Variants in MYO3A observed in about 807,000 individuals in gnomAD.
MYO3A encodes the protein myosin-IIIa.
Under a neutral mutation model 192.7 loss-of-function variants are expected in MYO3A, and 180 were observed. That is an observed-to-expected ratio of 0.93 (90% confidence interval 0.83 to 1.06). The LOEUF is 1.06. MYO3A is among the 50% of genes least tolerant of loss of function. The pLI, the probability that MYO3A is intolerant of heterozygous loss-of-function variation, is 0.00. For synonymous variants in MYO3A, 628 were observed against 645.3 expected (o/e 0.97, Z 0.41); for missense variants, 1,896 against 1,905.0 (o/e 1.00, Z 0.09).
Position 26,125,491 on chromosome 10 carries a change from A to T in MYO3A, c.1997A>T (p.Asn666Ile), listed in dbSNP as rs200162942. ...AGAGGAGAAACAATTATACGACCCAATACTGTAGAAAAAGCTACCGATGTC... is the reference window on the plus strand; with the variant it reads ...AGAGGAGAAACAATTATACGACCCATTACTGTAGAAAAAGCTACCGATGTC... ...VTRGETIIRP[N>I]TVEKATDVRD... Residue 666 changes from asparagine (N) to isoleucine (I), a missense_variant, in exon 19 of 35, where the codon AAT (asparagine) becomes ATT (isoleucine). Physicochemically the swap from Asn to Ile is moderately radical, Grantham distance 149. Coordinates refer to ENST00000642920, the MANE Select transcript of MYO3A (RefSeq NM_017433.5). The T allele has an allele frequency of 1.3e-5, 21 of 1,614,078 alleles. No individual in the cohort carries two copies. In the East Asian group the frequency reaches 4.2e-4, roughly 33 times the overall value.
intron 6 of MYO3A, among the ~76,000 whole-genome samples, chr10:26,011,516 A>G (rs12268729): frequency 0.093 from 14,157 of 152,178 alleles, 1,157 homozygotes; most frequent in African/African-American, 0.21. Flanking sequence ...ACTAGAAAAC[A>G]TAGAGGAAAT....
intron 19 of MYO3A, 74 bp from the exon 20 acceptor site, chr10:26,128,317 T>C (rs1289050385): frequency 2.0e-6 from 3 of 1,488,126 alleles, no homozygotes; most frequent in African/African-American, 2.8e-5. Flanking sequence ...TCACAAATGG[T>C]AACTCTAAGA....
chr10:26,180,041 G>T (rs1344924699), intron 31 of MYO3A, among the ~76,000 whole-genome samples: 6 of 151,956 alleles, frequency 3.9e-5, no homozygotes, highest in Non-Finnish European at 7.4e-5. Flanking sequence ...CACCATGTTG[G>T]CCAGGCTGGT....
intron 31 of MYO3A, among the ~76,000 whole-genome samples, chr10:26,177,137 G>C (rs1325056549): frequency 6.6e-6 from 1 of 151,702 alleles, no homozygotes; most frequent in Admixed American, 6.6e-5. Context: ...AGAGAGGGGG[G>C]CTGGCAGGAG....
intron 29 of MYO3A, among the ~76,000 whole-genome samples, chr10:26,172,981 T>C (rs1842122734): frequency 6.6e-6 from 1 of 151,990 alleles, no homozygotes; most frequent in Non-Finnish European, 1.5e-5. Flanking sequence ...CAAGGTGTCA[T>C]GGTATGACAT....
intron 17 of MYO3A, among the ~76,000 whole-genome samples, chr10:26,111,681 A>G (rs911375000): frequency 6.6e-6 from 1 of 152,222 alleles, no homozygotes; most frequent in Non-Finnish European, 1.5e-5. Context: ...TCAGTCAATA[A>G]AGAAAAAAGC....
intron 15 of MYO3A, among the ~76,000 whole-genome samples, chr10:26,096,042 C>A (rs1270849846): frequency 1.3e-5 from 2 of 152,120 alleles, no homozygotes; most frequent in African/African-American, 2.4e-5. Flanking sequence ...ATACATTATT[C>A]TTTTTCTGTC....
chr10:26,163,129 T>C (rs760903666), intron 26 of MYO3A, among the ~76,000 whole-genome samples: 43 of 152,170 alleles, frequency 2.8e-4, no homozygotes, highest in Non-Finnish European at 4.4e-4. Flanking sequence ...CAGATAGGGA[T>C]ATAGGAGGGC....
chr10:26,098,007 G>A (rs1837162630), intron 17 of MYO3A, among the ~76,000 whole-genome samples: 1 of 152,172 alleles, frequency 6.6e-6, no homozygotes, highest in African/African-American at 2.4e-5. Context: ...TTTCCACAAT[G>A]GTTGAACTAG....
intron 10 of MYO3A, among the ~76,000 whole-genome samples, chr10:26,034,890 T>C (rs542210232): frequency 6.6e-6 from 1 of 151,646 alleles, no homozygotes; most frequent in East Asian, 1.9e-4. Context: ...TGGACATTTA[T>C]TTGTTTCTAT....
At chr10:26,039,378 A>G (rs1253709046) in intron 10 of MYO3A, among the ~76,000 whole-genome samples, 1 of 151,626 alleles carries the variant, frequency 6.6e-6, no homozygotes, top group Non-Finnish European at 1.5e-5. Context: ...TTTGTTGAGA[A>G]TTTTTGCGTC....
chr10:26,038,883 A>C (rs72793949), intron 10 of MYO3A, among the ~76,000 whole-genome samples: 2 of 152,034 alleles, frequency 1.3e-5, no homozygotes, highest in African/African-American at 4.8e-5. Flanking sequence ...GGTTTTTGTC[A>C]TTTAAATTGA....
chr10:25,971,997 A>G (rs1838678967), intron 4 of MYO3A, among the ~76,000 whole-genome samples: 1 of 151,986 alleles, frequency 6.6e-6, no homozygotes, highest in Non-Finnish European at 1.5e-5. Flanking sequence ...CATTTATCTT[A>G]TTTGAGTTCA....
chr10:25,994,478 C>G (rs1840287040), intron 4 of MYO3A, among the ~76,000 whole-genome samples: 2 of 152,166 alleles, frequency 1.3e-5, no homozygotes, highest in Admixed American at 1.3e-4. Context: ...ATTTGCCAGT[C>G]TGTGTCTTTT....
chr10:26,199,275 A>G (rs949214049), intron 32 of MYO3A, among the ~76,000 whole-genome samples: 6 of 152,228 alleles, frequency 3.9e-5, no homozygotes, highest in African/African-American at 1.2e-4. Context: ...ACACAAGGCC[A>G]CGCGCAGCGG....
chr10:26,204,805 G>C (rs910276602), intron 34 of MYO3A, among the ~76,000 whole-genome samples: 1 of 152,212 alleles, frequency 6.6e-6, no homozygotes, highest in Non-Finnish European at 1.5e-5. Flanking sequence ...CCAAGAGCTT[G>C]ATGCTGAAGG....
chr10:26,008,662 T>C (rs556117281), intron 6 of MYO3A, among the ~76,000 whole-genome samples: 2 of 151,676 alleles, frequency 1.3e-5, no homozygotes, highest in South Asian at 4.2e-4. Flanking sequence ...GAAATGCAAA[T>C]CAAAACCACA....
chr10:26,048,264 A>T (rs1458283558), intron 10 of MYO3A, among the ~76,000 whole-genome samples: 1 of 152,050 alleles, frequency 6.6e-6, no homozygotes, highest in Admixed American at 6.5e-5. Context: ...TAATCTCTGA[A>T]AAAAAGTATT....
chr10:26,024,958 C>T (rs1004061112), intron 9 of MYO3A, among the ~76,000 whole-genome samples: 8 of 152,158 alleles, frequency 5.3e-5, no homozygotes, highest in African/African-American at 1.9e-4. Flanking sequence ...ACTGAATGTG[C>T]CTTACTTGTC....
Sources: allele counts gnomAD v4.1 joint callset (sites outside exome capture counted in the v4.1 genomes callset), GRCh38; gene constraint gnomAD v4.1.1; transcripts MANE v1.5; gene names NCBI Gene and HGNC (gene_info 2026-07-23, HGNC 2026-07-21).